Variants in FHIP1A observed in about 807,000 individuals in gnomAD.
The protein encoded by FHIP1A is FHF complex subunit HOOK interacting protein 1A, also known as FHF complex subunit HOOK-interacting protein 1A.
In FHIP1A, 61 loss-of-function variants were observed where a neutral mutation model predicts 88.6. The ratio of observed to expected loss-of-function variants is 0.69; its 90% CI spans 0.56 to 0.85. FHIP1A has a LOEUF of 0.85. FHIP1A is among the 40% of genes least tolerant of loss of function. The pLI, the probability that FHIP1A is intolerant of heterozygous loss-of-function variation, is 0.00. For missense variants in FHIP1A, 1,154 were observed against 1,273.5 expected (o/e 0.91, Z 1.43); for synonymous variants, 478 against 496.0 (o/e 0.96, Z 0.48).
chr4:151,605,985 A>G (rs1055843247), intron 7 of FHIP1A, among the ~76,000 whole-genome samples: 2 of 152,234 alleles, frequency 1.3e-5, no homozygotes, highest in Non-Finnish European at 2.9e-5. Flanking sequence ...TTTAAGAGCA[A>G]TTAAGTACCA....
intron 3 of FHIP1A, among the ~76,000 whole-genome samples, chr4:151,546,927 T>A (rs913262143): frequency 1.3e-5 from 2 of 152,112 alleles, no homozygotes; most frequent in African/African-American, 4.8e-5. Flanking sequence ...CAGGTTCCAA[T>A]CACAAAGACA....
rs74817062 is a variant in FHIP1A at position 151,498,416 on chromosome 4, G to A, written c.-123+15768G>A. On this transcript the variant is annotated intron_variant, in intron 3 of 13. Coordinates refer to ENST00000435205, the MANE Select transcript of FHIP1A (RefSeq NM_001109977.3). ...TGTCTTAAGGCCTTGGAAGAGGCGA[G>A]TTGTAAAGATATTTTACCCCAACAT... Among the ~76,000 whole-genome samples the A allele has an allele frequency of 9.7e-3, 1,478 of 152,274 alleles. 21 individuals carry two copies. The highest frequency in any genetic ancestry group is 0.034 in the African/African-American group (1,397 of 41,536).
At chr4:151,523,525 A>T (rs1451106867) in intron 3 of FHIP1A, among the ~76,000 whole-genome samples, 2 of 152,154 alleles carry the variant, frequency 1.3e-5, no homozygotes, top group African/African-American at 4.8e-5. Flanking sequence ...TCTTTAAACA[A>T]TCATAAGTTT....
chr4:151,456,827 T>C lies in FHIP1A; in HGVS notation c.-248+2019T>C, dbSNP rs73861824. The stretch of plus-strand genomic sequence containing the variant: ...CCATAAAAATAATGAGTTGGATTCA[T>C]ATGAGATTGTTGTATTGGTTATTGT... On this transcript the variant is annotated intron_variant, in intron 2 of 13. Transcript: ENST00000435205. Among the ~76,000 whole-genome samples the C allele has an allele frequency of 7.5e-3, 1,148 of 152,260 alleles. 11 individuals carry two copies. Among genetic ancestry groups the C allele is most frequent in the African/African-American group, 0.027 (1,102 of 41,574 alleles).
At chr4:151,599,978 T>C (rs1441405397) in intron 7 of FHIP1A, among the ~76,000 whole-genome samples, 1 of 152,234 alleles carries the variant, frequency 6.6e-6, no homozygotes, top group Non-Finnish European at 1.5e-5. Flanking sequence ...ATGATTATGC[T>C]GTAGTCACAA....
chr4:151,550,956 G>A (rs1447442131), intron 3 of FHIP1A, among the ~76,000 whole-genome samples: 7 of 152,214 alleles, frequency 4.6e-5, no homozygotes, highest in Non-Finnish European at 8.8e-5. Flanking sequence ...CCTGAATTGG[G>A]GATGGGGGCA....
chr4:151,515,256 C>A (rs1460941401), intron 3 of FHIP1A, among the ~76,000 whole-genome samples: 2 of 148,750 alleles, frequency 1.3e-5, no homozygotes, highest in Middle Eastern at 6.5e-3. Flanking sequence ...ATTCAACAAC[C>A]TTCATGCTAA....
At chr4:151,638,865 A>AT in intron 9 of FHIP1A, 109 bp downstream of exon 9, 3 of 503,926 alleles carry the variant, frequency 6.0e-6, no homozygotes, top group Non-Finnish European at 9.9e-6. Flanking sequence ...TTGGTTGTAT[A>AT]AGCTAAAAAG....
intron 3 of FHIP1A, among the ~76,000 whole-genome samples, chr4:151,504,087 C>T (rs1730743284): frequency 6.6e-6 from 1 of 152,200 alleles, no homozygotes; most frequent in South Asian, 2.1e-4. Flanking sequence ...AACAGTAACT[C>T]GAGATCAACT....
At chr4:151,630,050 A>T (rs1161553447) in intron 8 of FHIP1A, among the ~76,000 whole-genome samples, 181 bp downstream of exon 8, 1 of 151,942 alleles carries the variant, frequency 6.6e-6, no homozygotes, top group Non-Finnish European at 1.5e-5. Context: ...GAATGGAATA[A>T]TGCGTTTTGT....
intron 7 of FHIP1A, among the ~76,000 whole-genome samples, chr4:151,608,903 G>C (rs1206655787): frequency 6.6e-6 from 1 of 152,218 alleles, no homozygotes; most frequent in East Asian, 1.9e-4. Context: ...AAGGCGAGTA[G>C]TGAAAGGAGA....
At position 151,669,939 on chromosome 4, in the gene FHIP1A, T is replaced by C. The variant is rs1402175289; in HGVS notation, c.*7185T>C. ...AAGCCAGGAAGCATGAGTCGCTGAA[T>C]TGGTGATGGAGGGGTGTCCACTTTT... On this transcript the variant is annotated 3_prime_UTR_variant, in exon 14 of 14. Coordinates refer to ENST00000435205, the MANE Select transcript of FHIP1A (RefSeq NM_001109977.3). 1.3e-5 allele frequency: 2 copies of C among 152,108 alleles called. No individual in the cohort carries two copies. Among genetic ancestry groups the C allele is most frequent in the African/African-American group, 4.8e-5 (2 of 41,416 alleles). The allele number at this position is 152,108 out of a possible 1,614,324, so 9.4% of individuals were successfully genotyped here. A position where few individuals can be genotyped will look rare whatever the true frequency, so the allele number is the denominator to read the frequency against.
chr4:151,525,746 C>CTTTTTTTTTT (rs200895761), intron 3 of FHIP1A, among the ~76,000 whole-genome samples: 1 of 128,430 alleles, frequency 7.8e-6, no homozygotes, highest in Admixed American at 7.6e-5. Context: ...CTTTGTACTT[C>CTTTTTTTTTT]TTTTTTTTTT....
chr4:151,611,813 A>G (rs1056730565), intron 7 of FHIP1A, among the ~76,000 whole-genome samples: 5 of 152,212 alleles, frequency 3.3e-5, no homozygotes, highest in Non-Finnish European at 7.3e-5. Context: ...TGTTCTATGT[A>G]TAAGTGTTTT....
chr4:151,585,788 A>G (rs1325939095), intron 5 of FHIP1A, among the ~76,000 whole-genome samples: 3 of 152,164 alleles, frequency 2.0e-5, no homozygotes, highest in African/African-American at 4.8e-5. Flanking sequence ...AAGGCTGTCA[A>G]TTTAAATTAA....
chr4:151,651,036 A>G (rs1737012113), intron 11 of FHIP1A, among the ~76,000 whole-genome samples: 1 of 152,228 alleles, frequency 6.6e-6, no homozygotes, highest in Non-Finnish European at 1.5e-5. Context: ...AAGAGTGAAC[A>G]GAGCACAGAA....
chr4:151,542,553 C>G (rs1368440610), intron 3 of FHIP1A, among the ~76,000 whole-genome samples: 1 of 152,156 alleles, frequency 6.6e-6, no homozygotes, highest in Non-Finnish European at 1.5e-5. Flanking sequence ...GCCAACTTAT[C>G]CCATGTTTAT....
chr4:151,577,079 C>G (rs1243851520), intron 4 of FHIP1A, among the ~76,000 whole-genome samples: 1 of 152,130 alleles, frequency 6.6e-6, no homozygotes, highest in Admixed American at 6.5e-5. Context: ...CATCTAACAT[C>G]TACGAATAGC....
intron 3 of FHIP1A, among the ~76,000 whole-genome samples, chr4:151,487,730 A>G (rs1242746672): frequency 6.6e-6 from 1 of 152,252 alleles, no homozygotes; most frequent in Non-Finnish European, 1.5e-5. Flanking sequence ...TTTGAGATAC[A>G]TTCTATTATT....
Sources: gnomAD v4.1 joint callset for allele counts (sites outside exome capture counted in the v4.1 genomes callset) on GRCh38, gnomAD v4.1.1 for gene constraint, MANE v1.5 for transcripts, NCBI Gene and HGNC (gene_info 2026-07-23, HGNC 2026-07-21) for gene names.